Variants in FGD1 observed in about 807,000 individuals in gnomAD.
FGD1 encodes FYVE, RhoGEF and PH domain containing 1.
In FGD1, 12 loss-of-function variants were observed where a neutral mutation model predicts 65.0. The observed-to-expected ratio is 0.18, with a 90% CI of 0.12 to 0.30. The LOEUF (loss-of-function observed/expected upper bound fraction) is 0.30, where lower values mean the gene tolerates loss of function less well. FGD1 is among the 10% of genes least tolerant of loss of function. FGD1 has a pLI of 1.00. For missense variants in FGD1, 542 were observed against 837.6 expected (o/e 0.65, Z 4.36); for synonymous variants, 333 against 343.9 (o/e 0.97, Z 0.35).
chrX:54,484,741 AGAGAG>A (rs745808589), intron 1 of FGD1, among the ~76,000 whole-genome samples: 3 of 112,932 alleles, frequency 2.7e-5, no homozygotes, highest in Non-Finnish European at 5.6e-5. Flanking sequence ...ACCAGAGCCC[AGAGAG>A]GCTGGACTCA....
chrX:54,469,864 G>T, intron 4 of FGD1, 152 bp downstream of exon 4: 1 of 512,534 alleles, frequency 2.0e-6, no homozygotes, highest in Non-Finnish European at 3.4e-6. Flanking sequence ...CTTATGGTAG[G>T]GAAGCAGAAA....
intron 12 of FGD1, among the ~76,000 whole-genome samples, chrX:54,452,682 G>C (rs1922408387): frequency 1.8e-5 from 2 of 111,551 alleles, no homozygotes; most frequent in Admixed American, 1.9e-4. Context: ...GGAGGTGGAG[G>C]TTGCAGTGAG....
At chrX:54,448,469 AGCCACTGT>A (rs1922295410) in intron 16 of FGD1, among the ~76,000 whole-genome samples, 1 of 112,137 alleles carries the variant, frequency 8.9e-6, no homozygotes, top group South Asian at 3.7e-4. Context: ...TACAGGCATG[AGCCACTGT>A]GCCCAGCCAA....
At chrX:54,470,540 GC>G (rs750809591) in intron 3 of FGD1, 42 bp downstream of exon 3, 2 of 1,186,725 alleles carry the variant, frequency 1.7e-6, no homozygotes, top group East Asian at 6.0e-5. Context: ...CCTGTCCCAG[GC>G]TCCCCCTTTC....
chrX:54,458,540 CAA>C (rs774218099), intron 8 of FGD1, among the ~76,000 whole-genome samples: 3 of 17,591 alleles, frequency 1.7e-4, no homozygotes, highest in Admixed American at 5.6e-4. Context: ...GACTACGTCT[CAA>C]AAAAAAAAAA....
intron 8 of FGD1, among the ~76,000 whole-genome samples, chrX:54,461,900 T>C (rs1457273721): frequency 9.0e-6 from 1 of 110,890 alleles, no homozygotes; most frequent in East Asian, 2.9e-4. Flanking sequence ...AATACTTGTC[T>C]ATAGAATGGT....
chrX:54,487,246 A>C (rs1923301065), intron 1 of FGD1, among the ~76,000 whole-genome samples: 1 of 111,134 alleles, frequency 9.0e-6, no homozygotes, highest in African/African-American at 3.3e-5. Context: ...CCCTGAAAAA[A>C]GGCATTTCTA....
chrX:54,448,560 C>T (rs1043025183), intron 16 of FGD1, among the ~76,000 whole-genome samples: 4 of 112,388 alleles, frequency 3.6e-5, no homozygotes, highest in African/African-American at 1.3e-4. Flanking sequence ...CCCTCTGGGC[C>T]TCAGTTTCCT....
intron 8 of FGD1, 57 bp from the exon 9 acceptor site, chrX:54,456,624 G>C (rs989738059): frequency 2.4e-5 from 25 of 1,023,694 alleles, no homozygotes; most frequent in Non-Finnish European, 3.2e-5. Context: ...AGCCTTTCCG[G>C]GGCTTTGTTT....
At chrX:54,485,093 T>C (rs1255023799) in intron 1 of FGD1, among the ~76,000 whole-genome samples, 1 of 112,822 alleles carries the variant, frequency 8.9e-6, no homozygotes, top group Non-Finnish European at 1.9e-5. Flanking sequence ...TTTAGTCTTG[T>C]CTGGGGAAGT....
chrX:54,471,926 G>T (rs928822742), intron 1 of FGD1, among the ~76,000 whole-genome samples: 1 of 112,046 alleles, frequency 8.9e-6, no homozygotes, highest in African/African-American at 3.2e-5. Flanking sequence ...ATTTTGTGCA[G>T]CTAAGTGTGC....
chrX:54,489,841 CA>C (rs1848165119), intron 1 of FGD1, among the ~76,000 whole-genome samples: 3 of 111,827 alleles, frequency 2.7e-5, no homozygotes, highest in Admixed American at 1.9e-4. Context: ...GGTATACACT[CA>C]AAGAAGTATA....
In FGD1 at chrX:54,452,083, A is replaced by G. The variant is rs5961066; in HGVS notation, c.2016-1782T>C. Among the ~76,000 whole-genome samples, 430 of 107,107 alleles carry G rather than the reference A, an allele frequency of 4.0e-3. 2 individuals carry two copies. The highest frequency in any genetic ancestry group is 0.013 in the African/African-American group (391 of 29,375). The allele number at this position is 107,107 out of a possible 115,157, so 93.0% of individuals were successfully genotyped here. A position where few individuals can be genotyped will look rare whatever the true frequency, so the allele number is the denominator to read the frequency against. On this transcript the variant is annotated intron_variant, in intron 12 of 17. Transcript: ENST00000375135. ...GGAGTTTAAGACCAGCCTGGGCAAC[A>G]TAGTGAGACCTCATCTCTACAAAAA...
intron 8 of FGD1, among the ~76,000 whole-genome samples, chrX:54,464,336 G>A (rs757587687): frequency 1.8e-5 from 2 of 110,695 alleles, no homozygotes; most frequent in Non-Finnish European, 3.8e-5. Context: ...GTTTCACCAT[G>A]TTGGCCAGGC....
At chrX:54,447,920 C>CT (rs1922272773) in intron 16 of FGD1, among the ~76,000 whole-genome samples, 1 of 111,698 alleles carries the variant, frequency 9.0e-6, no homozygotes, top group Non-Finnish European at 1.9e-5. Context: ...GCAAAGAGAG[C>CT]TGATGTGAGA....
In FGD1 at chrX:54,488,700, A is replaced by G. The variant is rs750817757; in HGVS notation, c.307+6426T>C. Among the ~76,000 whole-genome samples, 550 of 111,845 alleles carry G rather than the reference A, an allele frequency of 4.9e-3. 6 individuals are homozygous for G. The highest frequency in any genetic ancestry group is 0.017 in the African/African-American group (526 of 30,845). On this transcript the variant is annotated intron_variant, in intron 1 of 17. Transcript: ENST00000375135. The stretch of plus-strand genomic sequence containing the variant: ...ACAGCATGGTACTGGACAAAAACAG[A>G]TACACAGACCAATGGAACAGAATAG...
intron 1 of FGD1, among the ~76,000 whole-genome samples, chrX:54,482,771 TAGAGGGAGATGGACAA>T (rs1437610844): frequency 1.9e-5 from 2 of 103,062 alleles, no homozygotes; most frequent in African/African-American, 7.2e-5. Context: ...GAGATGGACA[TAGAGGGAGATGGACAA>T]AAGGAAGGGA....
intron 1 of FGD1, among the ~76,000 whole-genome samples, chrX:54,478,777 G>A (rs755592696): frequency 7.7e-5 from 7 of 91,501 alleles, no homozygotes; most frequent in South Asian, 1.2e-3. Context: ...CATCCACAAA[G>A]CCACAAAACT....
At chrX:54,449,866 G>A in intron 13 of FGD1, 106 bp from the exon 14 acceptor site, 3 of 578,304 alleles carry the variant, frequency 5.2e-6, no homozygotes, top group Non-Finnish European at 8.9e-6. Context: ...GAAAAGCTGG[G>A]TTTCAAACCC....
Sources: allele counts gnomAD v4.1 joint callset (sites outside exome capture counted in the v4.1 genomes callset), GRCh38; gene constraint gnomAD v4.1.1; transcripts MANE v1.5; gene names NCBI Gene and HGNC (gene_info 2026-07-23, HGNC 2026-07-21).